Variants in KCNH7 observed in about 807,000 individuals in gnomAD.
KCNH7 encodes potassium voltage-gated channel subfamily H member 7.
KCNH7 carries 49 observed loss-of-function variants against 120.8 expected under a neutral mutation model. The ratio of observed to expected loss-of-function variants is 0.41; its 90% CI spans 0.32 to 0.51. The LOEUF is 0.51. Ranked by LOEUF, KCNH7 falls within the 20% of genes least tolerant of loss-of-function variation. The pLI, the probability that KCNH7 is intolerant of heterozygous loss-of-function variation, is 0.38. For missense variants in KCNH7, 1,097 were observed against 1,446.6 expected (o/e 0.76, Z 3.92); for synonymous variants, 547 against 516.1 (o/e 1.06, Z -0.81).
At position 162,518,175 on chromosome 2, in the gene KCNH7, G is replaced by C. The variant is rs1402464176; in HGVS notation, c.464-17C>G. On this transcript the variant is annotated splice_polypyrimidine_tract_variant and intron_variant, in intron 3 of 15. Transcript: ENST00000332142. Reference sequence around the variant, plus strand: ...AAAATTTCCCTATAAATGGAGACAGGAGAGAGCATTATTATAAGGCAAATG... The same window carrying C: ...AAAATTTCCCTATAAATGGAGACAGCAGAGAGCATTATTATAAGGCAAATG... 6.3e-7 allele frequency: 1 copy of C among 1,579,558 alleles called. No individual in the cohort carries two copies. The highest frequency in any genetic ancestry group is 8.7e-7 in the Non-Finnish European group (1 of 1,155,938).
chr2:162,476,091 A>G (rs937987985), intron 6 of KCNH7, among the ~76,000 whole-genome samples: 1 of 152,204 alleles, frequency 6.6e-6, no homozygotes, highest in Non-Finnish European at 1.5e-5. Flanking sequence ...CTTGTCCGGA[A>G]CATTTAGAAC....
chr2:162,529,004 A>G (rs1043456211), intron 3 of KCNH7, among the ~76,000 whole-genome samples: 1 of 151,924 alleles, frequency 6.6e-6, no homozygotes, highest in Non-Finnish European at 1.5e-5. Flanking sequence ...ATGAAAAGGA[A>G]GAGTTTTTGG....
chr2:162,457,268 C>T (rs1688995859), intron 6 of KCNH7, among the ~76,000 whole-genome samples: 1 of 151,998 alleles, frequency 6.6e-6, no homozygotes, highest in Non-Finnish European at 1.5e-5. Flanking sequence ...TGAGAAATAA[C>T]ATACTTCAGG....
chr2:162,774,349 G>A (rs966412666), intron 2 of KCNH7, among the ~76,000 whole-genome samples: 3 of 152,098 alleles, frequency 2.0e-5, no homozygotes, highest in Admixed American at 6.6e-5. Context: ...GAAGTGGAGA[G>A]ATCTTATATC....
intron 9 of KCNH7, among the ~76,000 whole-genome samples, chr2:162,409,236 AAT>A (rs1687317261): frequency 6.6e-6 from 1 of 151,878 alleles, no homozygotes; most frequent in South Asian, 2.1e-4. Flanking sequence ...CAAGTTCAGG[AAT>A]AAGAAAAGCA....
chr2:162,582,703 C>A (rs552396374), intron 2 of KCNH7, among the ~76,000 whole-genome samples: 1 of 152,192 alleles, frequency 6.6e-6, no homozygotes, highest in South Asian at 2.1e-4. Flanking sequence ...ATCTACAACA[C>A]AGCATTTCAA....
intron 9 of KCNH7, among the ~76,000 whole-genome samples, chr2:162,409,680 T>C (rs1170175772): frequency 6.6e-6 from 1 of 151,822 alleles, no homozygotes; most frequent in Non-Finnish European, 1.5e-5. Context: ...ATCTAGAAAA[T>C]GCTATACACT....
intron 2 of KCNH7, 27 bp from the exon 3 acceptor site, chr2:162,537,107 T>C: frequency 6.4e-7 from 1 of 1,558,800 alleles, no homozygotes; most frequent in East Asian, 2.3e-5. Context: ...TGAATGTTAG[T>C]TAAAAATATG....
chr2:162,477,531 T>C (rs1689787303), intron 6 of KCNH7, among the ~76,000 whole-genome samples: 1 of 152,234 alleles, frequency 6.6e-6, no homozygotes. Context: ...TATTTATTTA[T>C]TTTCCAGCAG....
intron 2 of KCNH7, among the ~76,000 whole-genome samples, chr2:162,783,958 G>T (rs529252737): frequency 6.6e-6 from 1 of 151,938 alleles, no homozygotes; most frequent in African/African-American, 2.4e-5. Flanking sequence ...GTCCACTCTA[G>T]TTGCAGTTCA....
intron 3 of KCNH7, among the ~76,000 whole-genome samples, chr2:162,532,800 C>T (rs1317524104): frequency 6.6e-6 from 1 of 151,778 alleles, no homozygotes; most frequent in African/African-American, 2.4e-5. Context: ...TACCATATCC[C>T]AACAAAATGG....
At chr2:162,607,975 CA>C (rs1238874321) in intron 2 of KCNH7, among the ~76,000 whole-genome samples, 1 of 152,146 alleles carries the variant, frequency 6.6e-6, no homozygotes. Context: ...TCTTAATTTA[CA>C]AAATCTGACT....
At chr2:162,753,966 C>A (rs1688701312) in intron 2 of KCNH7, among the ~76,000 whole-genome samples, 1 of 151,498 alleles carries the variant, frequency 6.6e-6, no homozygotes, top group South Asian at 2.1e-4. Flanking sequence ...TAATAAATAA[C>A]AATATTTTAA....
chr2:162,376,587 C>A (rs901799775), intron 14 of KCNH7, among the ~76,000 whole-genome samples: 2 of 152,200 alleles, frequency 1.3e-5, no homozygotes, highest in African/African-American at 4.8e-5. Context: ...TGGTCTCGAA[C>A]TCCTGACCTT....
At chr2:162,524,143 T>C (rs1391097467) in intron 3 of KCNH7, among the ~76,000 whole-genome samples, 1 of 152,010 alleles carries the variant, frequency 6.6e-6, no homozygotes, top group Non-Finnish European at 1.5e-5. Context: ...TCATGGGTTA[T>C]GGCTATTAAA....
intron 2 of KCNH7, among the ~76,000 whole-genome samples, chr2:162,811,491 C>G (rs1684731869): frequency 2.0e-5 from 3 of 152,038 alleles, no homozygotes; most frequent in African/African-American, 7.2e-5. Context: ...TATTTTACAA[C>G]TGAGGATTTT....
intron 2 of KCNH7, among the ~76,000 whole-genome samples, chr2:162,569,137 C>T (rs1443788509): frequency 2.6e-5 from 4 of 151,974 alleles, no homozygotes; most frequent in South Asian, 4.2e-4. Context: ...TGGTAGAATT[C>T]GGCTGTGAAT....
chr2:162,455,796 T>G (rs1166034133), intron 6 of KCNH7, among the ~76,000 whole-genome samples: 3 of 151,972 alleles, frequency 2.0e-5, no homozygotes, highest in Non-Finnish European at 4.4e-5. Context: ...CCCTTTATCA[T>G]TTTTTTATTG....
intron 2 of KCNH7, among the ~76,000 whole-genome samples, chr2:162,612,388 C>T (rs902239688): frequency 6.6e-6 from 1 of 152,066 alleles, no homozygotes; most frequent in Non-Finnish European, 1.5e-5. Flanking sequence ...TTGACCTGAG[C>T]TTGAGTCAGA....
Sources: allele counts gnomAD v4.1 joint callset (sites outside exome capture counted in the v4.1 genomes callset), GRCh38; gene constraint gnomAD v4.1.1; transcripts MANE v1.5; gene names NCBI Gene and HGNC (gene_info 2026-07-23, HGNC 2026-07-21).